The following SIL1 variants were observed in gnomAD, a reference collection of about 807,000 sequenced individuals.
The protein encoded by SIL1 is SIL1 nucleotide exchange factor.
Under a neutral mutation model 49.1 loss-of-function variants are expected in SIL1, and 40 were observed. That is an observed-to-expected ratio of 0.81 (90% CI 0.63 to 1.06). The LOEUF is 1.06. SIL1 is among the 50% of genes least tolerant of loss of function. The pLI, the probability that SIL1 is intolerant of heterozygous loss-of-function variation, is 0.00. For synonymous variants in SIL1, 253 were observed against 250.8 expected, an observed-to-expected ratio of 1.01 and a Z score of -0.08; for missense variants, 500 against 572.6, an observed-to-expected ratio of 0.87 and a Z score of 1.29.
chr5:139,186,049 A>T (rs1313134786), intron 1 of SIL1, among the ~76,000 whole-genome samples: 1 of 152,208 alleles, frequency 6.6e-6, no homozygotes, highest in Non-Finnish European at 1.5e-5. Context: ...CTGGGACCTT[A>T]TGCTGCACCA....
At chr5:139,166,349 A>G (rs1751624406) in intron 1 of SIL1, among the ~76,000 whole-genome samples, 1 of 152,132 alleles carries the variant, frequency 6.6e-6, no homozygotes, top group Non-Finnish European at 1.5e-5. Flanking sequence ...GCTATTTTAG[A>G]GGGTACTCAT....
At chr5:139,001,984 G>A (rs1210780162) in intron 7 of SIL1, among the ~76,000 whole-genome samples, 18 of 152,018 alleles carry the variant, frequency 1.2e-4, no homozygotes, top group Non-Finnish European at 2.5e-4. Flanking sequence ...GCTAAGGCAG[G>A]CCTATCACTT....
chr5:139,196,374 T>C (rs1752273952), intron 1 of SIL1: 1 of 152,212 alleles, frequency 6.6e-6, no homozygotes, highest in South Asian at 2.1e-4. Flanking sequence ...CACATCACTC[T>C]AAAGGAGAAC....
At chr5:139,011,538 T>G (rs1768272355) in intron 7 of SIL1, among the ~76,000 whole-genome samples, 1 of 152,242 alleles carries the variant, frequency 6.6e-6, no homozygotes, top group Admixed American at 6.5e-5. Context: ...CTCGCTTTGT[T>G]GCCCAGGCTG....
chr5:139,136,630 C>T (rs749883509), intron 1 of SIL1, among the ~76,000 whole-genome samples: 14 of 152,106 alleles, frequency 9.2e-5, no homozygotes, highest in Non-Finnish European at 1.5e-4. Flanking sequence ...GGAGATCAGT[C>T]ACTGGATTTG....
intron 6 of SIL1, among the ~76,000 whole-genome samples, chr5:139,024,587 G>GT (rs1351435263): frequency 6.6e-6 from 1 of 152,236 alleles, no homozygotes; most frequent in Admixed American, 6.5e-5. Flanking sequence ...TTGAGGATCT[G>GT]TGTCTTGACA....
At chr5:139,034,055 C>G (rs1461170728) in intron 5 of SIL1, among the ~76,000 whole-genome samples, 1 of 152,090 alleles carries the variant, frequency 6.6e-6, no homozygotes, top group Non-Finnish European at 1.5e-5. Flanking sequence ...TGGACTGGCC[C>G]TTTTATCATT....
chr5:138,955,813 T>C (rs898312319), intron 7 of SIL1, among the ~76,000 whole-genome samples: 2 of 152,226 alleles, frequency 1.3e-5, no homozygotes, highest in Admixed American at 1.3e-4. Flanking sequence ...CCTGTGCCGC[T>C]GCACGGGTGG....
intron 3 of SIL1, among the ~76,000 whole-genome samples, chr5:139,076,926 G>T (rs767854251): frequency 6.6e-6 from 1 of 152,072 alleles, no homozygotes; most frequent in African/African-American, 2.4e-5. Context: ...GTCAGGAGAG[G>T]AGATAAGACC....
chr5:139,094,025 T>A (rs1770400502), intron 3 of SIL1: 1 of 152,234 alleles, frequency 6.6e-6, no homozygotes, highest in Non-Finnish European at 1.5e-5. Flanking sequence ...AGCCCTCACC[T>A]GCAGCGGAAA....
chr5:139,035,490 T>A, intron 5 of SIL1: 1 of 537,902 alleles, frequency 1.9e-6, no homozygotes. Flanking sequence ...ACCCCTCCAG[T>A]CACCGGCTGC....
At chr5:139,043,453 G>C (rs890814850) in intron 4 of SIL1, among the ~76,000 whole-genome samples, 3 of 152,174 alleles carry the variant, frequency 2.0e-5, no homozygotes, top group Non-Finnish European at 4.4e-5. Context: ...GATTAGACAA[G>C]GCAGCCTGTC....
At chr5:139,054,956 T>C (rs2150457742) in intron 3 of SIL1, among the ~76,000 whole-genome samples, 1 of 152,352 alleles carries the variant, frequency 6.6e-6, no homozygotes, top group South Asian at 2.1e-4. Context: ...TAGTATAATC[T>C]GACCTGTATC....
At chr5:138,968,247 C>T (rs1195499332) in intron 7 of SIL1, among the ~76,000 whole-genome samples, 1 of 152,116 alleles carries the variant, frequency 6.6e-6, no homozygotes, top group Non-Finnish European at 1.5e-5. Flanking sequence ...CCACAGAAAG[C>T]CTGTGCCACA....
intron 5 of SIL1, chr5:139,035,314 T>C: frequency 1.9e-6 from 1 of 527,892 alleles, no homozygotes; most frequent in South Asian, 1.4e-5. Flanking sequence ...CAAGTAATGT[T>C]GACAATCTCA....
intron 3 of SIL1, among the ~76,000 whole-genome samples, chr5:139,062,820 C>A (rs1427996240): frequency 6.6e-6 from 1 of 152,238 alleles, no homozygotes; most frequent in Admixed American, 6.5e-5. Context: ...CTCCTGAGGA[C>A]TGGGCAAGAG....
At chr5:139,152,825 G>A (rs1350344903) in intron 1 of SIL1, among the ~76,000 whole-genome samples, 2 of 151,992 alleles carry the variant, frequency 1.3e-5, no homozygotes, top group Non-Finnish European at 2.9e-5. Flanking sequence ...TCCTCTCCCT[G>A]CCTATTGAGA....
At chr5:139,156,978 C>G (rs1053577979) in intron 1 of SIL1, among the ~76,000 whole-genome samples, 1 of 152,228 alleles carries the variant, frequency 6.6e-6, no homozygotes, top group African/African-American at 2.4e-5. Context: ...AGCCCTGTGC[C>G]TTGCTCCTTT....
At chr5:139,015,675 G>A (rs1341741980) in intron 7 of SIL1, among the ~76,000 whole-genome samples, 3 of 152,220 alleles carry the variant, frequency 2.0e-5, no homozygotes, top group Admixed American at 2.0e-4. Flanking sequence ...AAGGCAGGAA[G>A]AAGTGGGTAG....
Sources: allele counts gnomAD v4.1 joint callset (sites outside exome capture counted in the v4.1 genomes callset), GRCh38; gene constraint gnomAD v4.1.1; transcripts MANE v1.5; gene names NCBI Gene and HGNC (gene_info 2026-07-23, HGNC 2026-07-21).